The following KCNIP4 variants were observed in gnomAD, a reference collection of about 807,000 sequenced individuals.
The protein encoded by KCNIP4 is potassium voltage-gated channel interacting protein 4.
KCNIP4 carries 12 observed loss-of-function variants against 34.0 expected under a neutral mutation model. That is an observed-to-expected ratio of 0.35 (90% CI 0.23 to 0.57). The LOEUF is 0.57. Among genes scored for constraint, KCNIP4 ranks in the 20% least tolerant of loss-of-function variants. KCNIP4 has a pLI of 0.83. For missense variants in KCNIP4, 238 were observed against 311.7 expected (o/e 0.76, Z 1.78); for synonymous variants, 124 against 102.2 (o/e 1.21, Z -1.29).
intron 3 of KCNIP4, among the ~76,000 whole-genome samples, chr4:20,830,235 T>G (rs1367322134): frequency 6.6e-6 from 1 of 152,204 alleles, no homozygotes; most frequent in African/African-American, 2.4e-5. Context: ...TTTACCCCTA[T>G]GTTTGACTGC....
At chr4:21,898,660 G>T (rs1727540961) in intron 1 of KCNIP4, among the ~76,000 whole-genome samples, 1 of 152,150 alleles carries the variant, frequency 6.6e-6, no homozygotes, top group Non-Finnish European at 1.5e-5. Context: ...CTTGCTGAGG[G>T]CCTTGGGTGA....
intron 1 of KCNIP4, among the ~76,000 whole-genome samples, chr4:21,877,599 T>C (rs1160979729): frequency 6.6e-6 from 1 of 152,158 alleles, no homozygotes; most frequent in African/African-American, 2.4e-5. Context: ...TTCCGGGTTC[T>C]TGGTTTTTCC....
At chr4:21,055,305 A>C (rs10032646) in intron 1 of KCNIP4, among the ~76,000 whole-genome samples, 4,389 of 152,312 alleles carry the variant, frequency 0.029, 172 homozygotes, top group African/African-American at 0.099. Context: ...AGAAACTCCT[A>C]TGCATTGCTG....
intron 3 of KCNIP4, among the ~76,000 whole-genome samples, chr4:20,803,721 GAGAGAGAGGA>G (rs1176629483): frequency 7.8e-6 from 1 of 128,182 alleles, no homozygotes; most frequent in African/African-American, 3.0e-5. Flanking sequence ...GAGAGAGAGA[GAGAGAGAGGA>G]AGGAAGGAAG....
At chr4:20,985,980 G>T (rs1199368223) in intron 1 of KCNIP4, among the ~76,000 whole-genome samples, 4 of 152,154 alleles carry the variant, frequency 2.6e-5, no homozygotes, top group Non-Finnish European at 5.9e-5. Context: ...GGTTTAAAAT[G>T]GGAATGCTAC....
chr4:20,928,733 C>A (rs1730144944), intron 1 of KCNIP4, among the ~76,000 whole-genome samples: 1 of 151,664 alleles, frequency 6.6e-6, no homozygotes, highest in African/African-American at 2.4e-5. Context: ...AGGAAAAAGA[C>A]TCAAATAAAT....
chr4:21,569,018 C>T (rs538838646), intron 1 of KCNIP4, among the ~76,000 whole-genome samples: 1 of 151,994 alleles, frequency 6.6e-6, no homozygotes, highest in Admixed American at 6.6e-5. Context: ...GGTAAGATCA[C>T]TCTCACCGCA....
At chr4:21,923,439 G>A (rs374956581) in intron 1 of KCNIP4, among the ~76,000 whole-genome samples, 7 of 152,094 alleles carry the variant, frequency 4.6e-5, no homozygotes, top group Admixed American at 1.3e-4. Context: ...AAAATTAGCC[G>A]GAGTGGTGGT....
rs548270537 is a variant in KCNIP4 at position 21,763,152 on chromosome 4, A to C, written c.61+185419T>G. The C allele has an allele frequency of 5.7e-6, 7 of 1,237,076 alleles. No individual in the cohort carries two copies. In the South Asian group the frequency reaches 8.9e-5, roughly 16 times the overall value. The allele number at this position is 1,237,076 out of a possible 1,614,324, so 76.6% of individuals were successfully genotyped here. ...TAATTCCTTCACTGTGGTTGAATTC[A>C]CACAAACAAAATGTGAAGAACATTG... On this transcript the variant is annotated intron_variant, in intron 1 of 8. Transcript: ENST00000382152.
intron 1 of KCNIP4, among the ~76,000 whole-genome samples, chr4:21,386,275 G>A (rs1722028399): frequency 6.6e-6 from 1 of 152,088 alleles, no homozygotes; most frequent in Non-Finnish European, 1.5e-5. Flanking sequence ...AAATAGACAT[G>A]AAGTTCCTCA....
intron 1 of KCNIP4, among the ~76,000 whole-genome samples, chr4:21,861,565 C>T (rs1030993091): frequency 5.4e-5 from 8 of 148,688 alleles, no homozygotes; most frequent in Non-Finnish European, 8.9e-5. Flanking sequence ...GCAGGAGAAT[C>T]ACTTAAGCCG....
At chr4:21,058,198 C>T (rs555718131) in intron 1 of KCNIP4, among the ~76,000 whole-genome samples, 30 of 152,148 alleles carry the variant, frequency 2.0e-4, no homozygotes, top group African/African-American at 6.3e-4. Context: ...AAGATGCAAA[C>T]TTTTAGTGGC....
chr4:21,623,228 A>G (rs1370025562), intron 1 of KCNIP4, among the ~76,000 whole-genome samples: 1 of 152,222 alleles, frequency 6.6e-6, no homozygotes, highest in Non-Finnish European at 1.5e-5. Flanking sequence ...TAGATGGTGA[A>G]TTATATCACA....
chr4:21,243,995 T>C (rs1292952182), intron 1 of KCNIP4, among the ~76,000 whole-genome samples: 1 of 152,174 alleles, frequency 6.6e-6, no homozygotes, highest in Admixed American at 6.5e-5. Context: ...CAAACATGGA[T>C]AAATTGCTAG....
rs192749866 is a variant in KCNIP4, at chr4:21,108,674, C to A, written c.62-225965G>T. Among the ~76,000 whole-genome samples, 50 of 151,842 alleles carry A rather than the reference C, an allele frequency of 3.3e-4. 1 individual carries two copies. In the East Asian group the frequency reaches 9.3e-3, roughly 28 times the overall value. ...GTTCCTTTGGAGGAGGAGAGGCACT[C>A]TGCTTTTTAGAGTTTCCAGTTCTTC... is the stretch of plus-strand genomic sequence containing the variant. On this transcript the variant is annotated intron_variant, in intron 1 of 8. Transcript: ENST00000382152.
chr4:21,677,612 C>A (rs1477428231), intron 1 of KCNIP4, among the ~76,000 whole-genome samples: 1 of 152,224 alleles, frequency 6.6e-6, no homozygotes, highest in Non-Finnish European at 1.5e-5. Context: ...CACTGGTATG[C>A]ATGCCAATGC....
In KCNIP4 at chr4:21,155,750, C is replaced by G. The variant is rs79828935; in HGVS notation, c.62-273041G>C. Among the ~76,000 whole-genome samples the G allele has an allele frequency of 4.5e-3, 691 of 152,130 alleles. 6 individuals are homozygous for G. The highest frequency in any genetic ancestry group is 0.016 in the African/African-American group (659 of 41,500). On this transcript the variant is annotated intron_variant, in intron 1 of 8. Coordinates refer to ENST00000382152, the MANE Select transcript of KCNIP4 (RefSeq NM_025221.6). ...AAAAAGTTGATTCTGAGAGATGTTACCAGGTAGGGGCAGAATGAGTGGACT... is the reference window on the plus strand; with the variant it reads ...AAAAAGTTGATTCTGAGAGATGTTAGCAGGTAGGGGCAGAATGAGTGGACT...
At chr4:21,391,659 G>C (rs548922419) in intron 1 of KCNIP4, among the ~76,000 whole-genome samples, 1 of 152,166 alleles carries the variant, frequency 6.6e-6, no homozygotes, top group Non-Finnish European at 1.5e-5. Context: ...CACTCAGCTG[G>C]AAAACCACAA....
chr4:21,462,010 T>C (rs1729502881), intron 1 of KCNIP4, among the ~76,000 whole-genome samples: 1 of 143,670 alleles, frequency 7.0e-6, no homozygotes, highest in African/African-American at 2.6e-5. Flanking sequence ...AATTAGAATA[T>C]CTATCACCTC....
Sources: allele counts gnomAD v4.1 joint callset (sites outside exome capture counted in the v4.1 genomes callset), GRCh38; gene constraint gnomAD v4.1.1; transcripts MANE v1.5; gene names NCBI Gene and HGNC (gene_info 2026-07-23, HGNC 2026-07-21).